Variants in RGS6 observed in about 807,000 individuals in gnomAD.
RGS6 encodes the protein regulator of G protein signaling 6, also known as regulator of G-protein signaling 6.
In RGS6, 30 loss-of-function variants were observed where a neutral mutation model predicts 78.5. The observed-to-expected ratio is 0.38, with a 90% confidence interval of 0.29 to 0.52. The LOEUF is 0.52. RGS6 is among the 20% of genes least tolerant of loss of function. The probability of loss-of-function intolerance (pLI) is 0.85; values close to 1 mark genes in which losing one functional copy is unlikely to be tolerated. For missense variants in RGS6, 495 were observed against 609.7 expected, an observed-to-expected ratio of 0.81 and a Z score of 1.98; for synonymous variants, 206 against 206.0, an observed-to-expected ratio of 1.00 and a Z score of 0.00.
intron 2 of RGS6, among the ~76,000 whole-genome samples, chr14:72,223,033 C>A (rs989804708): frequency 6.6e-6 from 1 of 152,264 alleles, no homozygotes; most frequent in Non-Finnish European, 1.5e-5. Context: ...TTTGTGGAAT[C>A]CAAATTAATG....
chr14:72,057,313 GAAAAAAAAAAAAA>G (rs71109718), intron 2 of RGS6, among the ~76,000 whole-genome samples: 5 of 56,174 alleles, frequency 8.9e-5, no homozygotes, highest in South Asian at 7.6e-4. Context: ...GACTCTATCT[GAAAAAAAAAAAAA>G]AAAAAAAAAA....
At chr14:72,084,934 G>C (rs1169696258) in intron 2 of RGS6, among the ~76,000 whole-genome samples, 2 of 152,138 alleles carry the variant, frequency 1.3e-5, no homozygotes, top group African/African-American at 4.8e-5. Context: ...CAATGTGTTT[G>C]TGCGTTTGGT....
intron 2 of RGS6, among the ~76,000 whole-genome samples, chr14:71,982,700 C>G (rs940670612): frequency 6.6e-6 from 1 of 152,222 alleles, no homozygotes; most frequent in African/African-American, 2.4e-5. Flanking sequence ...TGACAATGCT[C>G]TTGAGAAGAA....
At position 72,458,285 on chromosome 14, in the gene RGS6, T is replaced by G. The variant is rs897303061; in HGVS notation, c.250T>G (p.Leu84Val). The change falls in exon 5 of 18, where the codon TTG becomes GTG. Residue 84 changes from leucine (L) to valine (V), a missense_variant. Transcript: ENST00000553525. ...SIEDPVEAIHLGSLIAAQGYI... is the reference protein window; with the variant it reads ...SIEDPVEAIHVGSLIAAQGYI... ...TGTTCTTACAGTTGAAGCAATACAC[T>G]TGGGGAGCCTTATCGCTGCCCAGGG... 6.2e-7 allele frequency: 1 copy of G among 1,613,612 alleles called. No individual in the cohort carries two copies. Among genetic ancestry groups the G allele is most frequent in the Non-Finnish European group, 8.5e-7 (1 of 1,179,510 alleles).
rs1172162659 is a variant in RGS6, at chr14:72,250,037, C to A, written c.85-102058C>A. Among the ~76,000 whole-genome samples the A allele has an allele frequency of 2.3e-5, 3 of 132,052 alleles. No homozygotes were observed. In the East Asian group the frequency reaches 6.6e-4, roughly 29 times the overall value. 86.6% of individuals were successfully genotyped at this position (132,052 alleles called of 152,430 possible). A position where few individuals can be genotyped will look rare whatever the true frequency, so the allele number is the denominator to read the frequency against. On this transcript the variant is annotated intron_variant, in intron 2 of 17. Transcript: ENST00000553525. The stretch of plus-strand genomic sequence containing the variant: ...TTCTCACTCATAGGTGGGAATTGAA[C>A]AGTGAGATCACATGGACACAGGAAG...
Position 72,518,554 on chromosome 14 carries a change from A to G in RGS6, c.1278+17A>G. 6.2e-7 allele frequency: 1 copy of G among 1,612,206 alleles called. No homozygotes were observed. Among genetic ancestry groups the G allele is most frequent in the Non-Finnish European group, 8.5e-7 (1 of 1,178,398 alleles). ...GACGCCCAGGTTTGCTTATCTACTC[A>G]AGTGGTTGTCATAAGGTGTTCATTT... On this transcript the variant is annotated intron_variant, in intron 15 of 17. Transcript: ENST00000553525.
intron 2 of RGS6, among the ~76,000 whole-genome samples, chr14:72,325,308 G>A (rs911340986): frequency 3.1e-4 from 47 of 152,274 alleles, no homozygotes; most frequent in African/African-American, 1.1e-3. Flanking sequence ...TATGTTGCCT[G>A]TTCACTCTGA....
chr14:72,591,849 A>G, the RGS6 span, among the ~76,000 whole-genome samples: 1 of 152,206 alleles, frequency 6.6e-6, no homozygotes, highest in African/African-American at 2.4e-5. Flanking sequence ...TGTCCTGGCT[A>G]GCCTCACCGT....
chr14:72,353,642 G>T (rs966854498), intron 3 of RGS6, among the ~76,000 whole-genome samples: 1 of 152,130 alleles, frequency 6.6e-6, no homozygotes, highest in African/African-American at 2.4e-5. Context: ...GAACAGTTCT[G>T]TATACTGATT....
At chr14:72,534,757 G>C (rs1467278331) in intron 15 of RGS6, among the ~76,000 whole-genome samples, 1 of 152,114 alleles carries the variant, frequency 6.6e-6, no homozygotes, top group African/African-American at 2.4e-5. Flanking sequence ...TGGGAGGTCT[G>C]TGCCTCCTCC....
At chr14:71,936,015 G>GACATATATAT (rs751624395) in intron 1 of RGS6, among the ~76,000 whole-genome samples, 11 of 63,800 alleles carry the variant, frequency 1.7e-4, no homozygotes, top group Admixed American at 5.5e-4. Flanking sequence ...GAACTAATAG[G>GACATATATAT]ATATATATAT....
the RGS6 span, among the ~76,000 whole-genome samples, chr14:72,590,528 C>A: frequency 6.6e-6 from 1 of 152,118 alleles, no homozygotes; most frequent in African/African-American, 2.4e-5. Context: ...GACATAAAGA[C>A]GTACCCGTAA....
intron 2 of RGS6, among the ~76,000 whole-genome samples, chr14:72,328,612 G>A (rs1271089680): frequency 1.3e-5 from 2 of 152,086 alleles, no homozygotes; most frequent in South Asian, 2.1e-4. Context: ...CAGTGAACTG[G>A]TGGCCACGTT....
the RGS6 span, among the ~76,000 whole-genome samples, chr14:72,579,631 G>A: frequency 2.0e-5 from 3 of 152,134 alleles, no homozygotes; most frequent in African/African-American, 7.2e-5. Context: ...GAGCATCCTG[G>A]GGACTCATCC....
intron 3 of RGS6, among the ~76,000 whole-genome samples, chr14:72,413,125 T>A (rs1367817912): frequency 6.6e-6 from 1 of 152,208 alleles, no homozygotes; most frequent in Non-Finnish European, 1.5e-5. Flanking sequence ...GATATCCTTG[T>A]TAACTTTCTG....
intron 2 of RGS6, among the ~76,000 whole-genome samples, chr14:72,248,664 C>T (rs1229082726): frequency 6.6e-6 from 1 of 152,186 alleles, no homozygotes; most frequent in African/African-American, 2.4e-5. Context: ...TGTGCTGCAA[C>T]TGAATCCAGT....
At chr14:72,552,908 A>T (rs1377977491) in intron 17 of RGS6, 1 of 152,176 alleles carries the variant, frequency 6.6e-6, no homozygotes, top group Admixed American at 6.5e-5. Context: ...TTAAGTTTGC[A>T]GTATTTGTCA....
At position 72,487,769 on chromosome 14, in the gene RGS6, CT is replaced by C. The variant is rs531454997; in HGVS notation, c.855-7381del. Among the ~76,000 whole-genome samples the C allele has an allele frequency of 3.1e-3, 471 of 152,322 alleles. 2 individuals are homozygous for C. Among genetic ancestry groups the C allele is most frequent in the African/African-American group, 0.011 (456 of 41,570 alleles). On this transcript the variant is annotated intron_variant, in intron 12 of 17. Coordinates refer to ENST00000553525, the MANE Select transcript of RGS6 (RefSeq NM_001204424.2). The stretch of plus-strand genomic sequence containing the variant: ...TTAGCTCAGTGAGACCCATTTCAGA[CT>C]TCTGACTCTTAGAATTATAAGACAA...
intron 2 of RGS6, among the ~76,000 whole-genome samples, chr14:72,223,874 G>C (rs1272917824): frequency 6.6e-6 from 1 of 152,226 alleles, no homozygotes; most frequent in Admixed American, 6.5e-5. Context: ...AGACCTCTGG[G>C]GCTAGGGCCC....
Sources: allele counts gnomAD v4.1 joint callset (sites outside exome capture counted in the v4.1 genomes callset), GRCh38; gene constraint gnomAD v4.1.1; transcripts MANE v1.5; gene names NCBI Gene and HGNC (gene_info 2026-07-23, HGNC 2026-07-21).